The following RAB3C variants were observed in gnomAD, a reference collection of about 807,000 sequenced individuals.
The protein encoded by RAB3C is ras-related protein Rab-3C.
In RAB3C, 17 loss-of-function variants were observed where a neutral mutation model predicts 26.4. The ratio of observed to expected loss-of-function variants is 0.64; its 90% CI spans 0.44 to 0.97. RAB3C has a LOEUF of 0.97. RAB3C is among the 50% of genes least tolerant of loss of function. The pLI, the probability that RAB3C is intolerant of heterozygous loss-of-function variation, is 0.00. For synonymous variants in RAB3C, 91 were observed against 95.9 expected, an observed-to-expected ratio of 0.95 and a Z score of 0.30; for missense variants, 242 against 281.9, an observed-to-expected ratio of 0.86 and a Z score of 1.01.
intron 2 of RAB3C, among the ~76,000 whole-genome samples, chr5:58,690,975 A>C (rs1370876347): frequency 2.6e-5 from 4 of 152,172 alleles, no homozygotes; most frequent in African/African-American, 7.2e-5. Flanking sequence ...GATAGCTTAC[A>C]GAAGATTTTC....
At chr5:58,776,730 G>A (rs1192094684) in intron 3 of RAB3C, among the ~76,000 whole-genome samples, 1 of 152,038 alleles carries the variant, frequency 6.6e-6, no homozygotes, top group Non-Finnish European at 1.5e-5. Context: ...CACTCCACTG[G>A]ATATCACAGT....
intron 3 of RAB3C, among the ~76,000 whole-genome samples, chr5:58,753,583 G>A (rs1741581758): frequency 6.6e-6 from 1 of 152,152 alleles, no homozygotes; most frequent in African/African-American, 2.4e-5. Flanking sequence ...CAGCGTTAAG[G>A]AGGAGGAGAG....
intron 3 of RAB3C, among the ~76,000 whole-genome samples, chr5:58,730,817 A>T (rs531801438): frequency 2.0e-5 from 3 of 152,132 alleles, no homozygotes. Context: ...TCTCAAACTG[A>T]TAATAAAGAC....
At chr5:58,629,748 G>A (rs1270209557) in intron 2 of RAB3C, among the ~76,000 whole-genome samples, 1 of 152,190 alleles carries the variant, frequency 6.6e-6, no homozygotes, top group Non-Finnish European at 1.5e-5. Context: ...GGCTGGTGGT[G>A]CATATTTTGC....
intron 2 of RAB3C, among the ~76,000 whole-genome samples, chr5:58,713,088 G>A (rs1749096324): frequency 1.3e-5 from 2 of 152,112 alleles, no homozygotes; most frequent in Admixed American, 6.6e-5. Flanking sequence ...TAAGAAATTT[G>A]GACTTTATTC....
At chr5:58,620,207 C>T (rs1351304216) in intron 2 of RAB3C, among the ~76,000 whole-genome samples, 2 of 152,170 alleles carry the variant, frequency 1.3e-5, no homozygotes, top group African/African-American at 4.8e-5. Context: ...CCTTCACTTT[C>T]CCCCATCGTC....
At chr5:58,676,637 G>T (rs13165579) in intron 2 of RAB3C, among the ~76,000 whole-genome samples, 2 of 152,248 alleles carry the variant, frequency 1.3e-5, no homozygotes, top group African/African-American at 4.8e-5. Context: ...GCAGAGTTCA[G>T]TTTTGATCAC....
intron 3 of RAB3C, among the ~76,000 whole-genome samples, chr5:58,790,340 G>A (rs2112013181): frequency 6.6e-6 from 1 of 152,142 alleles, no homozygotes; most frequent in East Asian, 1.9e-4. Flanking sequence ...TGCATCTGTG[G>A]GATTTCAAAA....
intron 2 of RAB3C, among the ~76,000 whole-genome samples, chr5:58,651,186 T>C (rs1747640646): frequency 6.6e-6 from 1 of 152,234 alleles, no homozygotes; most frequent in Non-Finnish European, 1.5e-5. Context: ...ATAAACTATG[T>C]CACATCACAG....
intron 3 of RAB3C, among the ~76,000 whole-genome samples, chr5:58,779,137 C>G (rs1305778903): frequency 2.0e-5 from 3 of 151,908 alleles, no homozygotes; most frequent in Non-Finnish European, 2.9e-5. Flanking sequence ...ATGTCAGCCT[C>G]AAAAAGGAGA....
At chr5:58,764,217 C>T (rs776758813) in intron 3 of RAB3C, among the ~76,000 whole-genome samples, 3 of 152,152 alleles carry the variant, frequency 2.0e-5, no homozygotes, top group East Asian at 1.9e-4. Context: ...GGTCTACATG[C>T]GTCACCTTTG....
At chr5:58,657,954 T>C (rs1259299667) in intron 2 of RAB3C, among the ~76,000 whole-genome samples, 2 of 152,150 alleles carry the variant, frequency 1.3e-5, no homozygotes, top group African/African-American at 4.8e-5. Context: ...ATGCAAAAAG[T>C]AAGCCACCAG....
At chr5:58,803,708 A>C (rs1742866299) in intron 3 of RAB3C, among the ~76,000 whole-genome samples, 1 of 152,176 alleles carries the variant, frequency 6.6e-6, no homozygotes, top group Non-Finnish European at 1.5e-5. Context: ...AGGAAGATAA[A>C]GGCATCTGGA....
At position 58,710,556 on chromosome 5, in the gene RAB3C, G is replaced by A. The variant is rs188870464; in HGVS notation, c.253-15446G>A. ...GGAGGTTGCAGTGAGCCGAGATCAC[G>A]CCACTGCACTCTAGCCTGGGCAAAA... On this transcript the variant is annotated intron_variant, in intron 2 of 4. Coordinates refer to ENST00000282878, the MANE Select transcript of RAB3C (RefSeq NM_138453.4). Among the ~76,000 whole-genome samples the A allele has an allele frequency of 6.0e-3, 904 of 151,352 alleles. 16 individuals are homozygous for A. The highest frequency in any genetic ancestry group is 0.02 in the African/African-American group (838 of 41,194).
At chr5:58,739,243 T>C (rs151209750) in intron 3 of RAB3C, among the ~76,000 whole-genome samples, 178 of 152,378 alleles carry the variant, frequency 1.2e-3, no homozygotes, top group African/African-American at 4.2e-3. Flanking sequence ...CCTCATTTTC[T>C]ATTTGCCCAG....
chr5:58,781,959 C>T (rs1010884730), intron 3 of RAB3C, among the ~76,000 whole-genome samples: 1 of 151,970 alleles, frequency 6.6e-6, no homozygotes, highest in African/African-American at 2.4e-5. Flanking sequence ...TCCCTTCTAC[C>T]GAATCTCTAC....
Position 58,734,073 on chromosome 5 carries a change from T to C in RAB3C, c.371+7953T>C, listed in dbSNP as rs185273799. 3.9e-3 allele frequency among the ~76,000 whole-genome samples: 591 copies of C among 152,276 alleles called. 2 individuals are homozygous for C. Among genetic ancestry groups the C allele is most frequent in the Non-Finnish European group, 6.2e-3 (424 of 68,008 alleles). On this transcript the variant is annotated intron_variant, in intron 3 of 4. Transcript: ENST00000282878. ...AAGCAGATTGATATTTTTTAAGAAA[T>C]CAGAGGCTGAGGATAAAAGTCTAAC...
intron 2 of RAB3C, among the ~76,000 whole-genome samples, chr5:58,718,608 T>C: frequency 6.6e-6 from 1 of 152,140 alleles, no homozygotes; most frequent in Non-Finnish European, 1.5e-5. Context: ...ATTTCAAAAC[T>C]AAACATCATG....
intron 3 of RAB3C, among the ~76,000 whole-genome samples, chr5:58,757,420 C>T (rs954296946): frequency 2.0e-5 from 3 of 152,010 alleles, no homozygotes; most frequent in African/African-American, 4.8e-5. Flanking sequence ...CTGACATTGA[C>T]ATTTTGGAAG....
Sources: gnomAD v4.1 joint callset for allele counts (sites outside exome capture counted in the v4.1 genomes callset) on GRCh38, gnomAD v4.1.1 for gene constraint, MANE v1.5 for transcripts, NCBI Gene and HGNC (gene_info 2026-07-23, HGNC 2026-07-21) for gene names.